The following ELP4 variants were observed in gnomAD, a reference collection of about 807,000 sequenced individuals.
The protein encoded by ELP4 is elongator complex protein 4.
A neutral mutation model predicts 48.9 loss-of-function variants in ELP4; 51 were observed. The ratio of observed to expected loss-of-function variants is 1.04; its 90% CI spans 0.83 to 1.32. The LOEUF is 1.32. ELP4 is among the 40% of genes most tolerant of loss of function. The probability of loss-of-function intolerance (pLI) is 0.00; values close to 1 mark genes in which losing one functional copy is unlikely to be tolerated. For synonymous variants in ELP4, 210 were observed against 189.2 expected (o/e 1.11, Z -0.90); for missense variants, 519 against 514.6 (o/e 1.01, Z -0.08).
intron 3 of ELP4, among the ~76,000 whole-genome samples, chr11:31,556,780 A>G (rs527547074): frequency 6.6e-6 from 1 of 151,914 alleles, no homozygotes; most frequent in Non-Finnish European, 1.5e-5. Context: ...CAGCTACAAT[A>G]AAAAGAAAGT....
At chr11:31,603,680 A>G in intron 4 of ELP4, 88 bp from the exon 5 acceptor site, 1 of 1,381,914 alleles carries the variant, frequency 7.2e-7, no homozygotes, top group Non-Finnish European at 9.9e-7. Context: ...AAATTCATAA[A>G]TATGCCATTG....
rs1344226024 is a variant in ELP4 at position 31,785,389 on chromosome 11, GT to G, written c.*1866del. 7 of 186,062 alleles carry G rather than the reference GT, an allele frequency of 3.8e-5. No homozygotes were observed. Among genetic ancestry groups the G allele is most frequent in the Non-Finnish European group, 6.8e-5 (6 of 87,906 alleles). The allele number at this position is 186,062 out of a possible 1,614,324, so 11.5% of individuals were successfully genotyped here. On this transcript the variant is annotated 3_prime_UTR_variant, in exon 10 of 10. Transcript: ENST00000640961. ...AGGTCATCAGATATGTAAATTGCTT[GT>G]CAAAATACTTAATAGGTCATTGATA...
intron 3 of ELP4, among the ~76,000 whole-genome samples, chr11:31,575,662 A>G (rs1441246276): frequency 1.3e-5 from 2 of 152,218 alleles, no homozygotes; most frequent in Non-Finnish European, 2.9e-5. Context: ...AAGAATATTC[A>G]ACCCAGAATT....
At chr11:31,778,158 A>G (rs1027317284) in intron 9 of ELP4, among the ~76,000 whole-genome samples, 1 of 152,242 alleles carries the variant, frequency 6.6e-6, no homozygotes, top group African/African-American at 2.4e-5. Flanking sequence ...TACAGGTTTT[A>G]AAAATAAAAT....
chr11:31,572,726 A>C (rs1957209163), intron 3 of ELP4, among the ~76,000 whole-genome samples: 1 of 152,214 alleles, frequency 6.6e-6, no homozygotes, highest in South Asian at 2.1e-4. Context: ...TAGGCCATGC[A>C]CAGTGGCTCA....
chr11:31,753,426 AT>A (rs1565141460), intron 9 of ELP4, among the ~76,000 whole-genome samples: 1 of 152,234 alleles, frequency 6.6e-6, no homozygotes, highest in Non-Finnish European at 1.5e-5. Context: ...GCAAATTAAA[AT>A]AACAACTATC....
intron 9 of ELP4, among the ~76,000 whole-genome samples, chr11:31,775,086 C>T (rs1948217743): frequency 6.6e-6 from 1 of 152,194 alleles, no homozygotes; most frequent in African/African-American, 2.4e-5. Flanking sequence ...CCCTAACATT[C>T]AAAGAGCCTA....
In ELP4 at chr11:31,623,389, AT is replaced by A. The variant is rs1268910338; in HGVS notation, c.654-3720del. ...TATATATATATATATATATATATATATAAAACTAGAAACATTGCTGGCAAAG... is the reference window on the plus strand; with the variant it reads ...TATATATATATATATATATATATATAAAAACTAGAAACATTGCTGGCAAAG... On this transcript the variant is annotated intron_variant, in intron 5 of 9. Coordinates refer to ENST00000640961, the MANE Select transcript of ELP4 (RefSeq NM_019040.5). 5.3e-3 allele frequency among the ~76,000 whole-genome samples: 480 copies of A among 90,394 alleles called. 32 individuals are homozygous for A. The highest frequency in any genetic ancestry group is 0.027 in the East Asian group (114 of 4,250). 59.3% of individuals were successfully genotyped at this position (90,394 alleles called of 152,430 possible).
intron 3 of ELP4, among the ~76,000 whole-genome samples, chr11:31,582,042 C>T (rs577894408): frequency 6.5e-4 from 99 of 152,296 alleles, no homozygotes; most frequent in African/African-American, 2.3e-3. Flanking sequence ...GTGTGAGCCA[C>T]CAAACTTGGC....
intron 9 of ELP4, chr11:31,761,838 C>T (rs893896594): frequency 6.6e-6 from 1 of 152,214 alleles, no homozygotes. Context: ...CTCCAAGTGA[C>T]TCCTACTGGC....
At chr11:31,597,772 A>G (rs983541827) in intron 4 of ELP4, among the ~76,000 whole-genome samples, 2 of 151,708 alleles carry the variant, frequency 1.3e-5, no homozygotes, top group Non-Finnish European at 2.9e-5. Flanking sequence ...GCGTTTCATC[A>G]TGTTGGCTGG....
chr11:31,533,892 G>T (rs1364836610), intron 2 of ELP4, among the ~76,000 whole-genome samples: 7 of 152,008 alleles, frequency 4.6e-5, no homozygotes, highest in African/African-American at 1.7e-4. Flanking sequence ...CTGGAGTGCA[G>T]TGGAGCGATC....
intron 3 of ELP4, among the ~76,000 whole-genome samples, chr11:31,578,156 CAGAG>C (rs1291303473): frequency 2.0e-5 from 3 of 151,348 alleles, no homozygotes; most frequent in African/African-American, 4.9e-5. Flanking sequence ...CATTAACAGA[CAGAG>C]AGCCAAATCA....
chr11:31,772,142 A>G (rs1013529828), intron 9 of ELP4, among the ~76,000 whole-genome samples: 11 of 144,330 alleles, frequency 7.6e-5, no homozygotes, highest in Non-Finnish European at 1.5e-4. Flanking sequence ...TTTTTTTAGA[A>G]TAAGTCTTGC....
At chr11:31,581,323 G>A (rs1957388383) in intron 3 of ELP4, among the ~76,000 whole-genome samples, 2 of 152,028 alleles carry the variant, frequency 1.3e-5, no homozygotes, top group African/African-American at 4.8e-5. Context: ...CCCTTGTTTT[G>A]GTGCTATACA....
At chr11:31,571,841 G>A (rs1957198301) in intron 3 of ELP4, among the ~76,000 whole-genome samples, 1 of 152,268 alleles carries the variant, frequency 6.6e-6, no homozygotes, top group South Asian at 2.1e-4. Context: ...CATATAGTGG[G>A]CTTAAAATAT....
chr11:31,668,723 A>AGTGTGTGT (rs1565103665), intron 9 of ELP4, among the ~76,000 whole-genome samples: 6 of 33,298 alleles, frequency 1.8e-4, no homozygotes, highest in Admixed American at 5.5e-4. Flanking sequence ...TGTGTGTGTA[A>AGTGTGTGT]GAACCCTGTA....
At chr11:31,703,045 G>C (rs903655690) in intron 9 of ELP4, among the ~76,000 whole-genome samples, 3 of 152,082 alleles carry the variant, frequency 2.0e-5, no homozygotes, top group Admixed American at 6.6e-5. Flanking sequence ...TTTAATTTTT[G>C]GTTGTCCTTT....
chr11:31,722,149 T>C (rs1946975949), intron 9 of ELP4, among the ~76,000 whole-genome samples: 1 of 152,192 alleles, frequency 6.6e-6, no homozygotes, highest in African/African-American at 2.4e-5. Context: ...GTTCCTCAGA[T>C]AAAAACACGT....
Sources: gnomAD v4.1 joint callset for allele counts (sites outside exome capture counted in the v4.1 genomes callset) on GRCh38, gnomAD v4.1.1 for gene constraint, MANE v1.5 for transcripts, NCBI Gene and HGNC (gene_info 2026-07-23, HGNC 2026-07-21) for gene names.